DENND1A: variants seen among roughly 807,000 people sequenced by gnomAD.
DENND1A encodes DENN domain-containing protein 1A.
DENND1A carries 51 observed loss-of-function variants against 113.7 expected under a neutral mutation model. That is an observed-to-expected ratio of 0.45 (90% CI 0.36 to 0.57). The LOEUF (loss-of-function observed/expected upper bound fraction) is 0.57. DENND1A is among the 20% of genes least tolerant of loss of function. DENND1A has a pLI of 0.00. For missense variants in DENND1A, 1,258 were observed against 1,395.9 expected (o/e 0.90, Z 1.57); for synonymous variants, 565 against 570.8 (o/e 0.99, Z 0.14).
chr9:123,841,103 T>C lies in DENND1A; in HGVS notation c.88+37848A>G, dbSNP rs148262770. Among the ~76,000 whole-genome samples the C allele has an allele frequency of 4.8e-3, 734 of 152,272 alleles. 2 individuals are homozygous for C. The highest frequency in any genetic ancestry group is 0.017 in the African/African-American group (718 of 41,556). On this transcript the variant is annotated intron_variant, in intron 2 of 23. Transcript: ENST00000394215. ...GCAACCCATTTTGTGCTAAGTGAAA[T>C]CTTAAACCAAATGTGATAATTACCA...
intron 3 of DENND1A, among the ~76,000 whole-genome samples, chr9:123,789,997 GTGTGTGTC>G (rs969889944): frequency 6.6e-6 from 1 of 152,018 alleles, no homozygotes; most frequent in African/African-American, 2.4e-5. Context: ...GTGTGTGTGT[GTGTGTGTC>G]TGTGTGTCTG....
Position 123,381,645 on chromosome 9 carries a change from C to T in DENND1A, c.3000G>A (p.Gly1000=), listed in dbSNP as rs781003360. 1.2e-6 allele frequency: 2 copies of T among 1,608,836 alleles called. No individual in the cohort carries two copies. The highest frequency in any genetic ancestry group is 1.1e-5 in the South Asian group (1 of 90,702). The part of the protein sequence containing the change: ...SSARAAETKQ[G]LALRPGDPPL... Reference sequence around the variant, plus strand: ...GGGGGTCTCCAGGCCTCAGGGCCAGCCCCTGCTTGGTCTCAGCAGCCCTGG... The same window carrying T: ...GGGGGTCTCCAGGCCTCAGGGCCAGTCCCTGCTTGGTCTCAGCAGCCCTGG... Residue 1000 remains glycine (G), a synonymous_variant, in exon 24 of 24, where the codon GGG becomes GGA. Transcript: ENST00000394215. This position sits in a 1 kb window ranked among gnomAD's most constrained non-coding sequence, Gnocchi z 4.7.
chr9:123,634,216 T>C (rs571466691), intron 9 of DENND1A, among the ~76,000 whole-genome samples: 1 of 152,344 alleles, frequency 6.6e-6, no homozygotes, highest in Non-Finnish European at 1.5e-5. Flanking sequence ...TTACTTATCC[T>C]TCACAAAAAA....
chr9:123,381,336 G>T lies in DENND1A; in HGVS notation c.*96C>A. On this transcript the variant is annotated 3_prime_UTR_variant, in exon 24 of 24. Transcript: ENST00000394215. This position sits in a 1 kb window ranked among gnomAD's most constrained non-coding sequence, Gnocchi z 4.7. ...GGGGTCCCATCCCTTCCCACCAGCA[G>T]AACCTGGGCAGAGAGAGAGTGGCGG... The T allele has an allele frequency of 7.9e-7, 1 of 1,272,466 alleles. No individual in the cohort carries two copies. Among genetic ancestry groups the T allele is most frequent in the Non-Finnish European group, 1.1e-6 (1 of 904,644 alleles). 78.8% of individuals were successfully genotyped at this position (1,272,466 alleles called of 1,614,324 possible). A position where few individuals can be genotyped will look rare whatever the true frequency, so the allele number is the denominator to read the frequency against.
intron 2 of DENND1A, among the ~76,000 whole-genome samples, chr9:123,873,747 C>CTT (rs1015503303): frequency 4.1e-5 from 6 of 145,616 alleles, no homozygotes; most frequent in Admixed American, 6.9e-5. Flanking sequence ...ATCTATCTCT[C>CTT]TTTTTTTTTT....
At chr9:123,598,616 C>A (rs956890053) in intron 11 of DENND1A, among the ~76,000 whole-genome samples, 3 of 152,138 alleles carry the variant, frequency 2.0e-5, no homozygotes, top group Admixed American at 6.5e-5. Flanking sequence ...ATTTAAAAAA[C>A]CCCATATGCC....
At chr9:123,517,312 A>G (rs985990283) in intron 13 of DENND1A, among the ~76,000 whole-genome samples, 3 of 151,002 alleles carry the variant, frequency 2.0e-5, no homozygotes, top group Non-Finnish European at 4.4e-5. Context: ...TCATATCACA[A>G]CAACAAAAAT....
At position 123,796,528 on chromosome 9, in the gene DENND1A, T is replaced by C. The variant is rs572792184; in HGVS notation, c.89-3898A>G. Among the ~76,000 whole-genome samples, 16 of 152,310 alleles carry C rather than the reference T, an allele frequency of 1.1e-4. No homozygotes were observed. In the East Asian group the frequency reaches 2.1e-3, roughly 20 times the overall value. Reference sequence around the variant, plus strand: ...TTTAAATCTTTAAGATATACCAGATTGCTACAGAATGTTTAATTAATAGAA... The same window carrying C: ...TTTAAATCTTTAAGATATACCAGATCGCTACAGAATGTTTAATTAATAGAA... On this transcript the variant is annotated intron_variant, in intron 2 of 23. Transcript: ENST00000394215.
At chr9:123,903,197 T>G (rs1852014644) in intron 1 of DENND1A, among the ~76,000 whole-genome samples, 1 of 149,852 alleles carries the variant, frequency 6.7e-6, no homozygotes. Flanking sequence ...CCGGGCATAG[T>G]GGCGGGCGCC....
At chr9:123,679,370 T>A (rs960395342) in intron 5 of DENND1A, among the ~76,000 whole-genome samples, 1 of 152,182 alleles carries the variant, frequency 6.6e-6, no homozygotes, top group Admixed American at 6.5e-5. Flanking sequence ...TAGCCTACTA[T>A]AGATGGCACC....
At chr9:123,467,808 C>T (rs935086081) in intron 13 of DENND1A, among the ~76,000 whole-genome samples, 3 of 152,134 alleles carry the variant, frequency 2.0e-5, no homozygotes, top group Non-Finnish European at 2.9e-5. Flanking sequence ...CTGAGCATGA[C>T]ACTCAAGGCT....
intron 1 of DENND1A, among the ~76,000 whole-genome samples, chr9:123,882,718 C>T (rs1008374403): frequency 1.3e-5 from 2 of 152,136 alleles, no homozygotes; most frequent in African/African-American, 4.8e-5. Flanking sequence ...CACTTCTTTG[C>T]TCAAATCTCC....
rs2061987390 is a variant in DENND1A at position 123,640,752 on chromosome 9, T to C, written c.619-10276A>G. On this transcript the variant is annotated intron_variant, in intron 9 of 23. Coordinates refer to ENST00000394215, the MANE Select transcript of DENND1A (RefSeq NM_001352964.2). Reference sequence around the variant, plus strand: ...CCGGATCTTTTTAACCACCTTGAGGTAGGTGTGAATACTATCCCCATTTTC... The same window carrying C: ...CCGGATCTTTTTAACCACCTTGAGGCAGGTGTGAATACTATCCCCATTTTC... Among the ~76,000 whole-genome samples the C allele has an allele frequency of 2.0e-5, 3 of 152,176 alleles. No individual in the cohort carries two copies. The East Asian group carries it at 5.8e-4, about 29-fold the overall frequency.
In DENND1A at chr9:123,856,289, A is replaced by G. The variant is rs143459840; in HGVS notation, c.88+22662T>C. 6.3e-4 allele frequency among the ~76,000 whole-genome samples: 96 copies of G among 152,284 alleles called. No homozygotes were observed. In the East Asian group the frequency reaches 0.015, roughly 25 times the overall value. On this transcript the variant is annotated intron_variant, in intron 2 of 23. Transcript: ENST00000394215. ...GCATCCACATAGGAGGGCTTGCACA[A>G]TATGGGGACTCAAAGTGCAACCAGT...
chr9:123,455,777 C>A (rs1430952070), intron 15 of DENND1A, among the ~76,000 whole-genome samples: 7 of 152,210 alleles, frequency 4.6e-5, no homozygotes, highest in Non-Finnish European at 7.3e-5. Flanking sequence ...AATAAGTGAG[C>A]TCAGTTTAAC....
intron 6 of DENND1A, among the ~76,000 whole-genome samples, chr9:123,675,114 G>A (rs2063993678): frequency 6.6e-6 from 1 of 152,158 alleles, no homozygotes; most frequent in Admixed American, 6.5e-5. Flanking sequence ...CACAGTGAGT[G>A]TAGTGATCAA....
chr9:123,797,709 G>A (rs922911922), intron 2 of DENND1A, among the ~76,000 whole-genome samples: 3 of 151,930 alleles, frequency 2.0e-5, no homozygotes, highest in East Asian at 1.9e-4. Flanking sequence ...TATATTGTTC[G>A]ATTGTTAAAA....
At chr9:123,892,957 G>C (rs1850150399) in intron 1 of DENND1A, among the ~76,000 whole-genome samples, 1 of 152,110 alleles carries the variant, frequency 6.6e-6, no homozygotes, top group Non-Finnish European at 1.5e-5. Flanking sequence ...ACTCCAGCCT[G>C]GGTGACAGAG....
At chr9:123,527,167 T>C (rs2054913457) in intron 13 of DENND1A, among the ~76,000 whole-genome samples, 1 of 152,140 alleles carries the variant, frequency 6.6e-6, no homozygotes, top group South Asian at 2.1e-4. Flanking sequence ...AGCCCATCCA[T>C]TTCTCTCCAT....
Sources: gnomAD v4.1 joint callset for allele counts (sites outside exome capture counted in the v4.1 genomes callset) on GRCh38, gnomAD v4.1.1 for gene constraint, Gnocchi (gnomAD v3.1) non-coding constraint, MANE v1.5 for transcripts, NCBI Gene and HGNC (gene_info 2026-07-23, HGNC 2026-07-21) for gene names.